TOX: variants seen among roughly 807,000 people sequenced by gnomAD.
The protein encoded by TOX is thymocyte selection associated high mobility group box, also known as thymocyte selection-associated high mobility group box protein TOX.
Under a neutral mutation model 53.7 loss-of-function variants are expected in TOX, and 11 were observed. The observed-to-expected ratio is 0.20, with a 90% CI of 0.13 to 0.34. TOX has a LOEUF of 0.34. Among genes scored for constraint, TOX ranks in the 10% least tolerant of loss-of-function variants. TOX has a pLI of 1.00. For missense variants in TOX, 570 were observed against 664.6 expected (o/e 0.86, Z 1.56); for synonymous variants, 225 against 245.3 (o/e 0.92, Z 0.77).
At chr8:58,969,644 A>C (rs150769062) in intron 1 of TOX, among the ~76,000 whole-genome samples, 2 of 152,174 alleles carry the variant, frequency 1.3e-5, no homozygotes, top group African/African-American at 2.4e-5. Flanking sequence ...TATGCATTCA[A>C]TGTATTTCAG....
intron 1 of TOX, among the ~76,000 whole-genome samples, chr8:59,083,038 A>C (rs933333739): frequency 2.2e-4 from 33 of 152,158 alleles, no homozygotes; most frequent in African/African-American, 8.0e-4. Context: ...AGGGAGTGTG[A>C]GTAGGCACAG....
chr8:59,102,493 T>C (rs1804823397), intron 1 of TOX, among the ~76,000 whole-genome samples: 1 of 152,086 alleles, frequency 6.6e-6, no homozygotes, highest in Non-Finnish European at 1.5e-5. Context: ...CTCCCAAAAA[T>C]ACCAGGATTA....
intron 2 of TOX, among the ~76,000 whole-genome samples, chr8:58,952,017 CTT>C (rs1300136970): frequency 6.6e-6 from 1 of 152,134 alleles, no homozygotes; most frequent in Non-Finnish European, 1.5e-5. Context: ...CTAAAACCCT[CTT>C]TGTGTTTCTG....
At chr8:59,095,793 T>C (rs977864113) in intron 1 of TOX, among the ~76,000 whole-genome samples, 1 of 152,252 alleles carries the variant, frequency 6.6e-6, no homozygotes, top group Non-Finnish European at 1.5e-5. Context: ...AGTTTTCACC[T>C]AGCCAATGAT....
At chr8:58,946,449 T>C (rs1812523244) in intron 2 of TOX, among the ~76,000 whole-genome samples, 1 of 152,170 alleles carries the variant, frequency 6.6e-6, no homozygotes. Flanking sequence ...GGTTGATAGC[T>C]TGGGACTATA....
intron 2 of TOX, among the ~76,000 whole-genome samples, chr8:58,949,671 T>A (rs1462218120): frequency 6.6e-6 from 1 of 152,144 alleles, no homozygotes; most frequent in Non-Finnish European, 1.5e-5. Flanking sequence ...TATACTATTT[T>A]AAATCATGTG....
At chr8:58,901,303 T>C (rs1340022265) in intron 3 of TOX, among the ~76,000 whole-genome samples, 1 of 152,192 alleles carries the variant, frequency 6.6e-6, no homozygotes, top group African/African-American at 2.4e-5. Context: ...AACAGGCTAA[T>C]GCTCAGAGAA....
intron 6 of TOX, among the ~76,000 whole-genome samples, chr8:58,820,436 A>G (rs1488774842): frequency 6.6e-6 from 1 of 152,222 alleles, no homozygotes; most frequent in Non-Finnish European, 1.5e-5. Flanking sequence ...TCCAAATGCC[A>G]TATCCTTCCA....
chr8:59,082,160 A>G (rs1804421040), intron 1 of TOX, among the ~76,000 whole-genome samples: 1 of 152,156 alleles, frequency 6.6e-6, no homozygotes, highest in Admixed American at 6.6e-5. Flanking sequence ...TTATTTCCTA[A>G]TACTCTTTAT....
At chr8:59,085,908 T>C (rs1008432183) in intron 1 of TOX, among the ~76,000 whole-genome samples, 12 of 152,142 alleles carry the variant, frequency 7.9e-5, no homozygotes, top group African/African-American at 2.6e-4. Context: ...CATTACAAAT[T>C]TCAGGGTGAA....
Position 58,805,672 on chromosome 8 carries a change from T to A in TOX, c.*2075A>T, listed in dbSNP as rs1348610695. 1 of 152,630 alleles carries A rather than the reference T, an allele frequency of 6.6e-6. No homozygotes were observed. Among genetic ancestry groups the A allele is most frequent in the Non-Finnish European group, 1.5e-5 (1 of 68,026 alleles). 9.5% of individuals were successfully genotyped at this position (152,630 alleles called of 1,614,324 possible). ...TTTTACTTTATCATAATATAATAAA[T>A]AAAAGACATTAGTTAATTAGTAGTG... On this transcript the variant is annotated 3_prime_UTR_variant, in exon 9 of 9. Transcript: ENST00000361421.
rs570427757 is a variant in TOX, at chr8:59,006,330, G to A, written c.103-46322C>T. 3.9e-5 allele frequency among the ~76,000 whole-genome samples: 6 copies of A among 152,270 alleles called. No homozygotes were observed. In the South Asian group the frequency reaches 8.3e-4, roughly 21 times the overall value. On this transcript the variant is annotated intron_variant, in intron 1 of 8. Transcript: ENST00000361421. Reference sequence around the variant, plus strand: ...AAAACTGGGATGCTGTTTCACTAACGCACTGGGTTCTGCCACTGGCTTTTA... The same window carrying A: ...AAAACTGGGATGCTGTTTCACTAACACACTGGGTTCTGCCACTGGCTTTTA...
chr8:58,850,003 C>G (rs57569962), intron 4 of TOX, among the ~76,000 whole-genome samples: 9,535 of 152,124 alleles, frequency 0.063, 611 homozygotes, highest in African/African-American at 0.16. Flanking sequence ...AATTATTGCC[C>G]TGGAAATGGT....
intron 3 of TOX, among the ~76,000 whole-genome samples, chr8:58,905,159 T>C (rs1811792336): frequency 6.6e-6 from 1 of 152,192 alleles, no homozygotes; most frequent in Non-Finnish European, 1.5e-5. Flanking sequence ...TCCCAATCTC[T>C]TGCCCTCATG....
chr8:59,110,529 AT>A (rs1317097014), intron 1 of TOX, among the ~76,000 whole-genome samples: 1 of 152,178 alleles, frequency 6.6e-6, no homozygotes, highest in East Asian at 1.9e-4. Context: ...CTTGCACATT[AT>A]ATTTCACATC....
intron 1 of TOX, among the ~76,000 whole-genome samples, chr8:59,106,166 A>G (rs183353856): frequency 8.6e-4 from 131 of 152,216 alleles, no homozygotes; most frequent in Non-Finnish European, 1.4e-3. Flanking sequence ...TGAACCTTCC[A>G]CCTCTCAGAA....
chr8:59,032,786 G>A (rs992883010), intron 1 of TOX, among the ~76,000 whole-genome samples: 1 of 152,072 alleles, frequency 6.6e-6, no homozygotes, highest in Non-Finnish European at 1.5e-5. Flanking sequence ...GATCTCTTGA[G>A]GCCAGATCTC....
chr8:58,926,984 T>C (rs1302467426), intron 3 of TOX, among the ~76,000 whole-genome samples: 1 of 152,138 alleles, frequency 6.6e-6, no homozygotes, highest in Non-Finnish European at 1.5e-5. Flanking sequence ...CTAAAAATGC[T>C]AATCCTGTAT....
chr8:58,836,412 A>T (rs1048230217), intron 5 of TOX, among the ~76,000 whole-genome samples: 44 of 152,180 alleles, frequency 2.9e-4, no homozygotes, highest in Non-Finnish European at 5.4e-4. Flanking sequence ...TTCGATTAGA[A>T]TCCCATAATA....
Sources: allele counts gnomAD v4.1 joint callset (sites outside exome capture counted in the v4.1 genomes callset), GRCh38; gene constraint gnomAD v4.1.1; transcripts MANE v1.5; gene names NCBI Gene and HGNC (gene_info 2026-07-23, HGNC 2026-07-21).